GATAD2A: variants seen among roughly 807,000 people sequenced by gnomAD.
GATAD2A encodes the protein GATA zinc finger domain containing 2A, also known as transcriptional repressor p66-alpha.
Under a neutral mutation model 68.5 loss-of-function variants are expected in GATAD2A, and 12 were observed. The ratio of observed to expected loss-of-function variants is 0.18; its 90% CI spans 0.11 to 0.28. The LOEUF (loss-of-function observed/expected upper bound fraction) is 0.28. Among genes scored for constraint, GATAD2A ranks in the 10% least tolerant of loss-of-function variants. The pLI is 1.00. For synonymous variants in GATAD2A, 410 were observed against 375.3 expected (o/e 1.09, Z -1.07); for missense variants, 755 against 868.5 (o/e 0.87, Z 1.64).
At chr19:19,484,114 A>G (rs558394996) in intron 2 of GATAD2A, among the ~76,000 whole-genome samples, 2 of 152,228 alleles carry the variant, frequency 1.3e-5, no homozygotes, top group African/African-American at 4.8e-5. Context: ...CACCCACTAC[A>G]CAGGGGCCTG....
intron 1 of GATAD2A, among the ~76,000 whole-genome samples, chr19:19,413,652 G>T (rs2051232213): frequency 6.6e-6 from 1 of 152,206 alleles, no homozygotes; most frequent in African/African-American, 2.4e-5. Context: ...CGCAATCTCG[G>T]CTCACTGCTT....
intron 2 of GATAD2A, among the ~76,000 whole-genome samples, chr19:19,468,936 T>C (rs761916864): frequency 6.6e-6 from 1 of 152,202 alleles, no homozygotes; most frequent in Non-Finnish European, 1.5e-5. Flanking sequence ...CTTTGAATGA[T>C]TTGTTGGGTT....
chr19:19,404,735 G>A (rs565420915), upstream of GATAD2A, among the ~76,000 whole-genome samples: 2 of 152,156 alleles, frequency 1.3e-5, no homozygotes, highest in African/African-American at 2.4e-5. Flanking sequence ...TTTATGTTTG[G>A]TGAAACTTTT....
At chr19:19,494,417 T>C (rs1252760998) in intron 5 of GATAD2A, 34 bp downstream of exon 5, 1 of 1,275,894 alleles carries the variant, frequency 7.8e-7, no homozygotes, top group Non-Finnish European at 1.1e-6. Flanking sequence ...CTGGGTGCCC[T>C]GCTGGCACTG....
intron 9 of GATAD2A, 53 bp from the exon 10 acceptor site, chr19:19,501,916 C>T: frequency 1.4e-6 from 2 of 1,440,420 alleles, no homozygotes; most frequent in South Asian, 1.1e-5. Flanking sequence ...CTCGGTCACC[C>T]TGGGCCGGCC....
chr19:19,442,583 G>A (rs1247077607), intron 1 of GATAD2A, among the ~76,000 whole-genome samples: 4 of 152,012 alleles, frequency 2.6e-5, no homozygotes, highest in Admixed American at 6.6e-5. Flanking sequence ...AGCCAAGATC[G>A]CGCCACTGCA....
chr19:19,447,445 C>T (rs919509492), intron 1 of GATAD2A, among the ~76,000 whole-genome samples: 2 of 152,224 alleles, frequency 1.3e-5, no homozygotes, highest in Non-Finnish European at 2.9e-5. Context: ...CACTCCCCCA[C>T]TTCATGGCAC....
chr19:19,446,895 C>CT (rs2055788741), intron 1 of GATAD2A, among the ~76,000 whole-genome samples: 2 of 152,312 alleles, frequency 1.3e-5, no homozygotes, highest in East Asian at 3.9e-4. Context: ...ATTATCTTTT[C>CT]TGTCAGGATG....
At chr19:19,472,809 G>C (rs755928839) in intron 2 of GATAD2A, 1 of 152,250 alleles carries the variant, frequency 6.6e-6, no homozygotes, top group Non-Finnish European at 1.5e-5. Context: ...GGATGTGTTT[G>C]TATGTGCCTT....
At chr19:19,393,926 G>A (rs577344674) in intron 1 of GATAD2A, among the ~76,000 whole-genome samples, 34 of 150,648 alleles carry the variant, frequency 2.3e-4, no homozygotes, top group Non-Finnish European at 3.7e-4. Context: ...TTGCTCTGTC[G>A]CCCAGGCTGG....
At chr19:19,499,914 G>GC (rs1276506472) in intron 8 of GATAD2A, among the ~76,000 whole-genome samples, 1 of 152,236 alleles carries the variant, frequency 6.6e-6, no homozygotes, top group African/African-American at 2.4e-5. Context: ...CTCTGACACA[G>GC]CCCGGCTGGT....
chr19:19,427,109 A>G (rs1048790778), intron 1 of GATAD2A, among the ~76,000 whole-genome samples: 1 of 150,082 alleles, frequency 6.7e-6, no homozygotes, highest in African/African-American at 2.5e-5. Flanking sequence ...GACAGAAGGA[A>G]GAAGGGGGGT....
chr19:19,395,328 G>A (rs894864110), intron 1 of GATAD2A, among the ~76,000 whole-genome samples: 10 of 152,108 alleles, frequency 6.6e-5, no homozygotes, highest in African/African-American at 2.2e-4. Flanking sequence ...GGTGGTGCAC[G>A]CCTGTAATCC....
chr19:19,439,540 T>C (rs942364644), intron 1 of GATAD2A, among the ~76,000 whole-genome samples: 2 of 152,058 alleles, frequency 1.3e-5, no homozygotes, highest in African/African-American at 4.8e-5. Flanking sequence ...TCAGGGGTAT[T>C]TGCAACATCT....
Position 19,429,255 on chromosome 19 carries a change from G to T in GATAD2A, c.-7+23236G>T, listed in dbSNP as rs79086869. 8.4e-3 allele frequency: 8,238 copies of T among 982,990 alleles called. 330 individuals are homozygous for T. The African/African-American group carries it at 0.1, about 12-fold the overall frequency. The allele number at this position is 982,990 out of a possible 1,614,324, so 60.9% of individuals were successfully genotyped here. A position where few individuals can be genotyped will look rare whatever the true frequency, so the allele number is the denominator to read the frequency against. Reference sequence around the variant, plus strand: ...CATCGTGGTCCATGGTGAGGGGCTGGGGGGGAGAGCTTGCCTGAGTAACAG... The same window carrying T: ...CATCGTGGTCCATGGTGAGGGGCTGTGGGGGAGAGCTTGCCTGAGTAACAG... On this transcript the variant is annotated intron_variant, in intron 1 of 11. Coordinates refer to ENST00000683918, the MANE Select transcript of GATAD2A (RefSeq NM_001384528.1).
At chr19:19,387,670 TG>T (rs2048541514) in intron 1 of GATAD2A, among the ~76,000 whole-genome samples, 1 of 152,142 alleles carries the variant, frequency 6.6e-6, no homozygotes, top group Non-Finnish European at 1.5e-5. Context: ...CCCACTTCTT[TG>T]AAATGCCCAT....
chr19:19,430,977 GTGTGTGTGTGTGT>G (rs1481284803), intron 1 of GATAD2A, among the ~76,000 whole-genome samples: 10 of 45,720 alleles, frequency 2.2e-4, no homozygotes, highest in African/African-American at 1.5e-3. Context: ...TATGGTAGGG[GTGTGTGTGTGTGT>G]GTGTGTGTGT....
intron 5 of GATAD2A, 123 bp from the exon 6 acceptor site, chr19:19,495,631 A>G: frequency 1.3e-6 from 1 of 783,548 alleles, no homozygotes; most frequent in East Asian, 2.8e-5. Flanking sequence ...CTTCTCTGCT[A>G]CTTAAAAAAA....
intron 1 of GATAD2A, among the ~76,000 whole-genome samples, chr19:19,388,462 C>A (rs901451267): frequency 6.6e-6 from 1 of 152,060 alleles, no homozygotes; most frequent in Non-Finnish European, 1.5e-5. Flanking sequence ...TAGGGGTATT[C>A]TCTGGACTTT....
Sources: gnomAD v4.1 joint callset for allele counts (sites outside exome capture counted in the v4.1 genomes callset) on GRCh38, gnomAD v4.1.1 for gene constraint, MANE v1.5 for transcripts, NCBI Gene and HGNC (gene_info 2026-07-23, HGNC 2026-07-21) for gene names.